Variants in MTFR1 observed in about 807,000 individuals in gnomAD.
MTFR1 encodes mitochondrial fission regulator 1, also known as chondrocyte protein with a poly-proline region.
A neutral mutation model predicts 38.8 loss-of-function variants in MTFR1; 28 were observed. The ratio of observed to expected loss-of-function variants is 0.72; its 90% confidence interval spans 0.53 to 0.99. MTFR1 has a LOEUF of 0.99. Among genes scored for constraint, MTFR1 ranks in the 50% least tolerant of loss-of-function variants. MTFR1 has a pLI of 0.00. For missense variants in MTFR1, 358 were observed against 395.5 expected (o/e 0.91, Z 0.81); for synonymous variants, 145 against 137.0 (o/e 1.06, Z -0.41).
intron 3 of MTFR1, among the ~76,000 whole-genome samples, chr8:65,751,012 G>C (rs752838661): frequency 2.0e-5 from 3 of 152,152 alleles, no homozygotes; most frequent in Non-Finnish European, 2.9e-5. Context: ...TTCACTTAAT[G>C]ATATAGGACC....
intron 3 of MTFR1, among the ~76,000 whole-genome samples, chr8:65,751,018 G>A (rs12542226): frequency 0.1 from 15,492 of 152,110 alleles, 1,796 homozygotes; most frequent in East Asian, 0.5. Flanking sequence ...TAATGATATA[G>A]GACCACCCTT....
At chr8:65,739,716 G>A in intron 3 of MTFR1, 6 of 1,102,080 alleles carry the variant, frequency 5.4e-6, no homozygotes, top group Non-Finnish European at 7.0e-6. Flanking sequence ...CCCACTTTTT[G>A]TCTATCAAAA....
chr8:65,679,026 G>A (rs1017838057), intron 2 of MTFR1, among the ~76,000 whole-genome samples: 3 of 152,192 alleles, frequency 2.0e-5, no homozygotes, highest in African/African-American at 4.8e-5. Flanking sequence ...CTAAAAGCAG[G>A]CAGAAACATA....
rs1165524061 is a variant in MTFR1, at chr8:65,707,006, G to C, written c.518-4G>C. On this transcript the variant is annotated splice_polypyrimidine_tract_variant and splice_region_variant and intron_variant, in intron 5 of 7. Coordinates refer to ENST00000262146, the MANE Select transcript of MTFR1 (RefSeq NM_014637.4). ...ATTAAGTTTGTTTTCCTTTGTTTCT[G>C]TAGGTGACTTAGATTCTACCACATT... 1 of 1,583,330 alleles carries C rather than the reference G, an allele frequency of 6.3e-7. No individual in the cohort carries two copies. The highest frequency in any genetic ancestry group is 8.6e-7 in the Non-Finnish European group (1 of 1,166,020).
At chr8:65,677,214 C>T (rs1318732953) in intron 2 of MTFR1, among the ~76,000 whole-genome samples, 1 of 151,102 alleles carries the variant, frequency 6.6e-6, no homozygotes, top group African/African-American at 2.4e-5. Context: ...GGACTACAGG[C>T]GTGTGCCACC....
chr8:65,734,141 T>G (rs1255022220), intron 3 of MTFR1, among the ~76,000 whole-genome samples: 2 of 152,196 alleles, frequency 1.3e-5, no homozygotes, highest in African/African-American at 4.8e-5. Flanking sequence ...GCTCACTGTC[T>G]CTACAAGCCT....
At chr8:65,727,332 A>T (rs369122099) in intron 3 of MTFR1, 1 of 1,611,792 alleles carries the variant, frequency 6.2e-7, no homozygotes, top group Admixed American at 1.7e-5. Context: ...AATGAATCAC[A>T]GATATATCTA....
chr8:65,673,443 G>T (rs1351190432), intron 2 of MTFR1, among the ~76,000 whole-genome samples: 1 of 151,304 alleles, frequency 6.6e-6, no homozygotes, highest in Non-Finnish European at 1.5e-5. Flanking sequence ...TGGGGGGCAA[G>T]GGAAGGGGGA....
chr8:65,750,991 A>T (rs572755299), intron 3 of MTFR1, among the ~76,000 whole-genome samples: 2 of 152,352 alleles, frequency 1.3e-5, no homozygotes, highest in Non-Finnish European at 2.9e-5. Flanking sequence ...TAACAGGATA[A>T]GAAATGGACC....
At position 65,767,997 on chromosome 8, in the gene MTFR1, G is replaced by C. The variant is rs182283366; in HGVS notation, c.*49-2950G>C. On this transcript the variant is annotated intron_variant, in intron 3 of 3. Transcript: ENST00000521247. ...GCTGGGAGGCAGGTTTAGGAACTGA[G>C]CCCTTAACCTGTGGGGTCTGACACT... Among the ~76,000 whole-genome samples, 55 of 152,176 alleles carry C rather than the reference G, an allele frequency of 3.6e-4. No homozygotes were observed. In the East Asian group the frequency reaches 0.01, roughly 29 times the overall value.
At chr8:65,764,349 A>G (rs1312786279) in intron 3 of MTFR1, among the ~76,000 whole-genome samples, 10 of 152,236 alleles carry the variant, frequency 6.6e-5, no homozygotes, top group Non-Finnish European at 1.2e-4. Flanking sequence ...CTACAATACC[A>G]TAACTACAAG....
intron 1 of MTFR1, among the ~76,000 whole-genome samples, chr8:65,649,097 A>G (rs1255465326): frequency 2.6e-5 from 4 of 152,346 alleles, no homozygotes; most frequent in African/African-American, 9.6e-5. Flanking sequence ...TTTCCATTAT[A>G]TTAGGTATTA....
At chr8:65,706,436 TGTTTTAGAGACAGG>T (rs1412927270) in intron 5 of MTFR1, among the ~76,000 whole-genome samples, 1 of 152,176 alleles carries the variant, frequency 6.6e-6, no homozygotes, top group East Asian at 1.9e-4. Context: ...AGTTACTTCT[TGTTTTAGAGACAGG>T]GTTTCACTGT....
In MTFR1 at chr8:65,669,894, T is replaced by C; in HGVS notation, c.-59T>C. The C allele has an allele frequency of 7.6e-7, 1 of 1,309,062 alleles. No homozygotes were observed. Among genetic ancestry groups the C allele is most frequent in the Non-Finnish European group, 1.1e-6 (1 of 919,950 alleles). 81.1% of individuals were successfully genotyped at this position (1,309,062 alleles called of 1,614,324 possible). A position where few individuals can be genotyped will look rare whatever the true frequency, so the allele number is the denominator to read the frequency against. On this transcript the variant is annotated 5_prime_UTR_variant, in exon 2 of 8. Coordinates refer to ENST00000262146, the MANE Select transcript of MTFR1 (RefSeq NM_014637.4). Reference sequence around the variant, plus strand: ...TCAGTGTGTTTTATGGACCATGTGCTGCTATGTATGCCTGAAGAAGTACTT... The same window carrying C: ...TCAGTGTGTTTTATGGACCATGTGCCGCTATGTATGCCTGAAGAAGTACTT...
intron 3 of MTFR1, among the ~76,000 whole-genome samples, chr8:65,757,066 G>A (rs558773615): frequency 2.0e-5 from 3 of 152,232 alleles, no homozygotes; most frequent in East Asian, 3.9e-4. Context: ...CCCTGAATGC[G>A]GTCCTCTTGG....
At chr8:65,734,272 C>G (rs933546867) in intron 3 of MTFR1, among the ~76,000 whole-genome samples, 2 of 152,176 alleles carry the variant, frequency 1.3e-5, no homozygotes, top group African/African-American at 4.8e-5. Flanking sequence ...CATTCACCAC[C>G]ACATCCTGTT....
rs1805801437 is a variant in MTFR1 at position 65,707,078 on chromosome 8, C to T, written c.586C>T (p.Pro196Ser). 2.5e-6 allele frequency: 4 copies of T among 1,579,002 alleles called. No individual in the cohort carries two copies. The highest frequency in any genetic ancestry group is 2.7e-5 in the African/African-American group (2 of 74,128). Residue 196 changes from proline to serine, a missense_variant, in exon 6 of 8, where the codon CCC becomes TCC. By Grantham distance (74) the Pro-to-Ser change is moderately conservative (BLOSUM62 -1). Transcript: ENST00000262146. ...TCCACCTCCCCCACCGCCCCTGCCT[C>T]CCCCTGCACTGGGGCTCCACCAAAG... ...HPPPPPPPLP[P>S]PALGLHQSTS... is the part of the protein sequence containing the mutation.
chr8:65,710,039 T>C lies in MTFR1; in HGVS notation c.*995T>C, dbSNP rs1449126705. The C allele has an allele frequency of 6.6e-6, 1 of 152,248 alleles. No homozygotes were observed. The highest frequency in any genetic ancestry group is 2.1e-4 in the South Asian group (1 of 4,834). 9.4% of individuals were successfully genotyped at this position (152,248 alleles called of 1,614,324 possible). On this transcript the variant is annotated 3_prime_UTR_variant, in exon 8 of 8. Coordinates refer to ENST00000262146, the MANE Select transcript of MTFR1 (RefSeq NM_014637.4). ...ATAGGTGTTATTAGAAGTGGAGAAC[T>C]GCCTTTTTCATCTGGGGCTTTTAAG...
chr8:65,710,931 GTAAC>G (rs1285991901), downstream of MTFR1, among the ~76,000 whole-genome samples: 1 of 151,596 alleles, frequency 6.6e-6, no homozygotes, highest in East Asian at 1.9e-4. Flanking sequence ...AGAAAGAAAG[GTAAC>G]TAACTTTCCT....
Sources: gnomAD v4.1 joint callset for allele counts (sites outside exome capture counted in the v4.1 genomes callset) on GRCh38, gnomAD v4.1.1 for gene constraint, MANE v1.5 for transcripts, NCBI Gene and HGNC (gene_info 2026-07-23, HGNC 2026-07-21) for gene names.